MYO1E: variants seen among roughly 807,000 people sequenced by gnomAD.
MYO1E encodes myosin IE.
MYO1E carries 68 observed loss-of-function variants against 151.1 expected under a neutral mutation model. That is an observed-to-expected ratio of 0.45 (90% confidence interval 0.37 to 0.55). MYO1E has a LOEUF of 0.55. MYO1E is among the 20% of genes least tolerant of loss of function. The pLI is 0.00. For synonymous variants in MYO1E, 601 were observed against 501.7 expected, an observed-to-expected ratio of 1.20 and a Z score of -2.64; for missense variants, 1,363 against 1,389.3, an observed-to-expected ratio of 0.98 and a Z score of 0.30.
chr15:59,296,986 C>T (rs2080452983), intron 1 of MYO1E, among the ~76,000 whole-genome samples: 1 of 111,634 alleles, frequency 9.0e-6, no homozygotes, highest in Non-Finnish European at 2.0e-5. Context: ...ACTACAGGCG[C>T]CCGCTACCAC....
chr15:59,331,193 G>A (rs1029226999), intron 1 of MYO1E, among the ~76,000 whole-genome samples: 7 of 152,190 alleles, frequency 4.6e-5, no homozygotes, highest in Non-Finnish European at 1.0e-4. Flanking sequence ...TTACTATCTA[G>A]CCTTTTACAG....
At chr15:59,332,212 A>C (rs2080702397) in intron 1 of MYO1E, among the ~76,000 whole-genome samples, 1 of 152,202 alleles carries the variant, frequency 6.6e-6, no homozygotes, top group African/African-American at 2.4e-5. Flanking sequence ...TGAGAGGTTA[A>C]ATCACTTGCT....
At chr15:59,293,588 A>G (rs1304130342) in intron 1 of MYO1E, among the ~76,000 whole-genome samples, 4 of 152,168 alleles carry the variant, frequency 2.6e-5, no homozygotes, top group African/African-American at 7.2e-5. Context: ...GTGAAATTAA[A>G]AAATATGTAT....
Position 59,236,369 on chromosome 15 carries a change from T to C in MYO1E, c.420+216A>G, listed in dbSNP as rs12910844. Among the ~76,000 whole-genome samples, 236 of 117,694 alleles carry C rather than the reference T, an allele frequency of 2.0e-3. 3 individuals carry two copies. The highest frequency in any genetic ancestry group is 5.6e-3 in the South Asian group (19 of 3,366). The allele number at this position is 117,694 out of a possible 152,430, so 77.2% of individuals were successfully genotyped here. A position where few individuals can be genotyped will look rare whatever the true frequency, so the allele number is the denominator to read the frequency against. Reference sequence around the variant, plus strand: ...TCAAAAAAGAAAAAAAAAAAATATATACACACACACACACACACACACACA... The same window carrying C: ...TCAAAAAAGAAAAAAAAAAAATATACACACACACACACACACACACACACA... On this transcript the variant is annotated intron_variant, in intron 5 of 27. Transcript: ENST00000288235.
At chr15:59,362,682 C>G (rs1177061527) in intron 1 of MYO1E, among the ~76,000 whole-genome samples, 1 of 152,144 alleles carries the variant, frequency 6.6e-6, no homozygotes, top group African/African-American at 2.4e-5. Flanking sequence ...CTGCATCTTC[C>G]TAGGACACCA....
chr15:59,173,126 C>G (rs1183784867), intron 21 of MYO1E, among the ~76,000 whole-genome samples: 1 of 152,186 alleles, frequency 6.6e-6, no homozygotes, highest in East Asian at 1.9e-4. Context: ...GCTGGAAAAG[C>G]CTTACTTATC....
intron 18 of MYO1E, among the ~76,000 whole-genome samples, chr15:59,186,136 CT>C (rs1307539787): frequency 6.6e-6 from 1 of 152,204 alleles, no homozygotes; most frequent in Non-Finnish European, 1.5e-5. Flanking sequence ...GTACTGACGT[CT>C]TTAATTCAGA....
At chr15:59,234,229 G>C (rs188557820) in intron 5 of MYO1E, among the ~76,000 whole-genome samples, 1 of 101,644 alleles carries the variant, frequency 9.8e-6, no homozygotes, top group East Asian at 2.3e-4. Context: ...TGGATGGATG[G>C]ATGGATGGAT....
intron 21 of MYO1E, among the ~76,000 whole-genome samples, chr15:59,173,180 T>G (rs144313473): frequency 6.6e-5 from 10 of 152,362 alleles, no homozygotes; most frequent in African/African-American, 2.4e-4. Context: ...CAATATTACT[T>G]GATACTCTGA....
intron 1 of MYO1E, among the ~76,000 whole-genome samples, chr15:59,289,510 A>T (rs1314031623): frequency 6.6e-6 from 1 of 152,250 alleles, no homozygotes; most frequent in Non-Finnish European, 1.5e-5. Flanking sequence ...ATAAAAGTGC[A>T]TAGACCCCAC....
At chr15:59,310,550 C>G (rs2080544708) in intron 1 of MYO1E, among the ~76,000 whole-genome samples, 1 of 152,182 alleles carries the variant, frequency 6.6e-6, no homozygotes, top group South Asian at 2.1e-4. Flanking sequence ...GCCAGCAACA[C>G]TAGAAGCTGA....
At chr15:59,140,815 G>A (rs1011098129) in intron 26 of MYO1E, among the ~76,000 whole-genome samples, 2 of 152,134 alleles carry the variant, frequency 1.3e-5, no homozygotes, top group Non-Finnish European at 2.9e-5. Flanking sequence ...CTGAGACTCG[G>A]CTTTTACACC....
At chr15:59,254,436 G>GC (rs1566993084) in intron 4 of MYO1E, among the ~76,000 whole-genome samples, 1 of 152,070 alleles carries the variant, frequency 6.6e-6, no homozygotes. Flanking sequence ...TGATCCTCCT[G>GC]CCCCCTGGCT....
intron 24 of MYO1E, among the ~76,000 whole-genome samples, chr15:59,160,721 G>A (rs990385118): frequency 3.3e-5 from 5 of 152,016 alleles, no homozygotes; most frequent in Non-Finnish European, 7.4e-5. Flanking sequence ...GCCGGGCCCA[G>A]TCAATTTCTT....
At chr15:59,238,095 T>C (rs1010187969) in intron 4 of MYO1E, among the ~76,000 whole-genome samples, 2 of 152,082 alleles carry the variant, frequency 1.3e-5, no homozygotes, top group African/African-American at 2.4e-5. Flanking sequence ...CAGTAGCAAG[T>C]AGAAAACCAG....
At chr15:59,146,734 T>C (rs892382776) in intron 26 of MYO1E, among the ~76,000 whole-genome samples, 1 of 148,814 alleles carries the variant, frequency 6.7e-6, no homozygotes, top group Non-Finnish European at 1.5e-5. Flanking sequence ...TATATATTAT[T>C]TATATATGTA....
At chr15:59,278,517 A>G (rs1234125544) in intron 1 of MYO1E, among the ~76,000 whole-genome samples, 2 of 152,226 alleles carry the variant, frequency 1.3e-5, no homozygotes, top group Non-Finnish European at 2.9e-5. Context: ...AAATCAACCA[A>G]AAATATTTGT....
chr15:59,174,805 A>G (rs2079615269), intron 19 of MYO1E, among the ~76,000 whole-genome samples: 2 of 152,004 alleles, frequency 1.3e-5, no homozygotes, highest in South Asian at 4.2e-4. Context: ...GGAGCAGAGG[A>G]TAATAACCAC....
chr15:59,353,831 A>C (rs1364406042), intron 1 of MYO1E, among the ~76,000 whole-genome samples: 1 of 152,110 alleles, frequency 6.6e-6, no homozygotes, highest in Admixed American at 6.5e-5. Flanking sequence ...AGCAAACCAC[A>C]GCTCTGTAAA....
Sources: allele counts gnomAD v4.1 joint callset (sites outside exome capture counted in the v4.1 genomes callset), GRCh38; gene constraint gnomAD v4.1.1; transcripts MANE v1.5; gene names NCBI Gene and HGNC (gene_info 2026-07-23, HGNC 2026-07-21).